The following ZNF254 variants were observed in gnomAD, a reference collection of about 807,000 sequenced individuals.
ZNF254 encodes zinc finger protein 254.
A neutral mutation model predicts 12.4 loss-of-function variants in ZNF254; 10 were observed. The ratio of observed to expected loss-of-function variants is 0.80; its 90% confidence interval spans 0.50 to 1.36. ZNF254 has a LOEUF of 1.36. Among genes scored for constraint, ZNF254 ranks in the 40% most tolerant of loss-of-function variants. The pLI, the probability that ZNF254 is intolerant of heterozygous loss-of-function variation, is 0.00. For missense variants in ZNF254, 996 were observed against 763.9 expected, an observed-to-expected ratio of 1.30 and a Z score of -3.58; for synonymous variants, 305 against 253.4, an observed-to-expected ratio of 1.20 and a Z score of -1.93.
chr19:24,080,956 A>C (rs1971824639), intron 2 of ZNF254, among the ~76,000 whole-genome samples: 1 of 151,536 alleles, frequency 6.6e-6, no homozygotes, highest in Non-Finnish European at 1.5e-5. Flanking sequence ...ACATGCTTGT[A>C]ATCCCAGCTA....
chr19:24,125,527 G>A (rs1015147505), intron 3 of ZNF254, among the ~76,000 whole-genome samples: 1 of 151,860 alleles, frequency 6.6e-6, no homozygotes, highest in Non-Finnish European at 1.5e-5. Context: ...AAAGCTACTT[G>A]TCAAAATCTT....
chr19:24,102,439 A>T (rs544863404), intron 1 of ZNF254, among the ~76,000 whole-genome samples: 1 of 152,004 alleles, frequency 6.6e-6, no homozygotes, highest in East Asian at 1.9e-4. Context: ...ATAAAAAAAA[A>T]ATACTCCCCA....
chr19:24,044,375 A>T (rs1461974287), intron 1 of ZNF254, among the ~76,000 whole-genome samples: 1 of 151,722 alleles, frequency 6.6e-6, no homozygotes, highest in East Asian at 1.9e-4. Flanking sequence ...CGTCTTTACT[A>T]AAAATACAAA....
chr19:24,088,460 G>A (rs1166426843), intron 1 of ZNF254, among the ~76,000 whole-genome samples: 2 of 151,682 alleles, frequency 1.3e-5, no homozygotes, highest in African/African-American at 4.8e-5. Flanking sequence ...ATTTTCACAT[G>A]TATCCCAAGC....
At chr19:24,044,545 A>T (rs1051227833) in intron 1 of ZNF254, among the ~76,000 whole-genome samples, 29 of 144,468 alleles carry the variant, frequency 2.0e-4, no homozygotes, top group South Asian at 4.4e-4. Context: ...CTCAAAAAAA[A>T]AAATAAATAA....
At chr19:24,123,855 CT>C (rs1049220169) in intron 3 of ZNF254, among the ~76,000 whole-genome samples, 48 of 151,912 alleles carry the variant, frequency 3.2e-4, no homozygotes, top group Non-Finnish European at 4.9e-4. Context: ...CTCTTCCAGT[CT>C]TTTTTTATCA....
intron 3 of ZNF254, among the ~76,000 whole-genome samples, chr19:24,107,617 C>A (rs1160747614): frequency 6.6e-6 from 1 of 152,034 alleles, no homozygotes; most frequent in African/African-American, 2.4e-5. Context: ...ATTACATGAT[C>A]TACAAACAGC....
chr19:24,117,364 G>T (rs1372152467), intron 3 of ZNF254, among the ~76,000 whole-genome samples: 1 of 152,172 alleles, frequency 6.6e-6, no homozygotes, highest in Non-Finnish European at 1.5e-5. Flanking sequence ...GAGCTTCCCG[G>T]CTGCTTTGTT....
chr19:24,079,513 A>G (rs1187752005), intron 2 of ZNF254: 2 of 152,240 alleles, frequency 1.3e-5, no homozygotes, highest in East Asian at 3.8e-4. Flanking sequence ...AAGGCCTGTG[A>G]GAGGAGGTGT....
At chr19:24,070,302 C>A (rs952349054) in intron 2 of ZNF254, among the ~76,000 whole-genome samples, 3 of 152,172 alleles carry the variant, frequency 2.0e-5, no homozygotes, top group Non-Finnish European at 4.4e-5. Flanking sequence ...CCTTACATGG[C>A]CCAGCACACA....
intron 3 of ZNF254, among the ~76,000 whole-genome samples, chr19:24,111,351 A>G (rs1441625400): frequency 1.3e-5 from 2 of 152,180 alleles, no homozygotes; most frequent in East Asian, 1.9e-4. Context: ...CCAGTGTATC[A>G]TTGTTGGACA....
intron 1 of ZNF254, chr19:24,104,751 T>C (rs972525271): frequency 1.3e-5 from 2 of 152,180 alleles, no homozygotes; most frequent in Non-Finnish European, 2.9e-5. Context: ...GGATACTCAA[T>C]ATTTCTGTGG....
chr19:24,091,658 A>G (rs1972391556), intron 1 of ZNF254, among the ~76,000 whole-genome samples: 6 of 151,758 alleles, frequency 4.0e-5, no homozygotes, highest in Admixed American at 3.9e-4. Flanking sequence ...ACACCTGGCT[A>G]GTTTTTGTAT....
intron 1 of ZNF254, among the ~76,000 whole-genome samples, chr19:24,038,896 A>G (rs1970059257): frequency 6.6e-6 from 1 of 152,236 alleles, no homozygotes; most frequent in East Asian, 1.9e-4. Flanking sequence ...ATTTGGCCTG[A>G]AAACTCAACC....
chr19:24,081,002 G>C (rs777500856), intron 2 of ZNF254, among the ~76,000 whole-genome samples: 1 of 151,414 alleles, frequency 6.6e-6, no homozygotes, highest in African/African-American at 2.4e-5. Context: ...ACATAAACCC[G>C]GGAGGCCGAA....
chr19:24,127,681 C>T lies in ZNF254; in HGVS notation c.1681C>T (p.Leu561Phe). ...CAAAGCCTTTAAGCAGTCTTCAATC[C>T]TTACTAACCATAAGAGAATTCATAC... The part of the protein sequence containing the change: ...CGKAFKQSSI[L>F]TNHKRIHTGE... Residue 561 changes from leucine (L) to phenylalanine (F), a missense_variant, in exon 4 of 4, where the codon CTT (leucine) becomes TTT (phenylalanine). Leu to Phe is a conservative substitution (Grantham distance 22). Transcript: ENST00000357002. 6.2e-7 allele frequency: 1 copy of T among 1,613,362 alleles called. No homozygotes were observed. Among genetic ancestry groups the T allele is most frequent in the Non-Finnish European group, 8.5e-7 (1 of 1,179,706 alleles).
chr19:24,091,329 AAT>A (rs1972371273), intron 1 of ZNF254, among the ~76,000 whole-genome samples: 1 of 151,004 alleles, frequency 6.6e-6, no homozygotes, highest in East Asian at 1.9e-4. Flanking sequence ...AAAAAAAAAA[AAT>A]CTCTCTTCAA....
At chr19:24,117,575 C>T (rs142293137) in intron 3 of ZNF254, among the ~76,000 whole-genome samples, 2,030 of 152,180 alleles carry the variant, frequency 0.013, 32 homozygotes, top group Non-Finnish European at 0.022. Flanking sequence ...GGGAGTGACC[C>T]GACTTTCCAG....
At chr19:24,090,034 G>GAA (rs575080256) in intron 1 of ZNF254, among the ~76,000 whole-genome samples, 15 of 94,762 alleles carry the variant, frequency 1.6e-4, no homozygotes, top group African/African-American at 3.9e-4. Context: ...CTAAAAATAC[G>GAA]AAAAAAAAAA....
Sources: allele counts gnomAD v4.1 joint callset (sites outside exome capture counted in the v4.1 genomes callset), GRCh38; gene constraint gnomAD v4.1.1; transcripts MANE v1.5; gene names NCBI Gene and HGNC (gene_info 2026-07-23, HGNC 2026-07-21).